TAOK1: variants seen among roughly 807,000 people sequenced by gnomAD.
TAOK1 encodes serine/threonine-protein kinase TAO1.
Under a neutral mutation model 138.3 loss-of-function variants are expected in TAOK1, and 21 were observed. The observed-to-expected ratio is 0.15, with a 90% CI of 0.11 to 0.22. The LOEUF (loss-of-function observed/expected upper bound fraction) is 0.22, where lower values mean the gene tolerates loss of function less well. TAOK1 is among the 10% of genes least tolerant of loss of function. The pLI is 1.00. For missense variants in TAOK1, 651 were observed against 1,227.7 expected, an observed-to-expected ratio of 0.53 and a Z score of 7.02; for synonymous variants, 361 against 398.4, an observed-to-expected ratio of 0.91 and a Z score of 1.12.
intron 18 of TAOK1, among the ~76,000 whole-genome samples, chr17:29,532,556 C>T (rs1289101505): frequency 2.6e-5 from 4 of 152,182 alleles, no homozygotes; most frequent in Non-Finnish European, 4.4e-5. Context: ...TCTTAACGAG[C>T]ATGCTGCCTT....
intron 13 of TAOK1, among the ~76,000 whole-genome samples, chr17:29,505,121 C>T (rs1179125416): frequency 6.6e-6 from 1 of 152,140 alleles, no homozygotes; most frequent in Non-Finnish European, 1.5e-5. Context: ...TCATTTACTT[C>T]ACTTAAAATA....
chr17:29,508,458 A>G (rs1474634798), intron 14 of TAOK1, among the ~76,000 whole-genome samples: 1 of 152,204 alleles, frequency 6.6e-6, no homozygotes, highest in Non-Finnish European at 1.5e-5. Flanking sequence ...GTGTTTTAAT[A>G]TCAAGTACTA....
chr17:29,407,832 C>G (rs1173676685), intron 1 of TAOK1, among the ~76,000 whole-genome samples: 3 of 152,078 alleles, frequency 2.0e-5, no homozygotes, highest in African/African-American at 7.2e-5. Flanking sequence ...AAAGTTTCTC[C>G]TTATTTACCT....
intron 1 of TAOK1, among the ~76,000 whole-genome samples, chr17:29,449,744 G>T (rs2030185988): frequency 6.6e-6 from 1 of 152,180 alleles, no homozygotes; most frequent in African/African-American, 2.4e-5. Context: ...GGGAGGCTGA[G>T]GCAGGAGAAT....
At chr17:29,452,511 A>G (rs952743703) in intron 2 of TAOK1, among the ~76,000 whole-genome samples, 6 of 152,286 alleles carry the variant, frequency 3.9e-5, no homozygotes, top group African/African-American at 1.2e-4. Context: ...TGTGAATTAA[A>G]AAAACTTATC....
intron 15 of TAOK1, among the ~76,000 whole-genome samples, chr17:29,516,894 C>G (rs958526540): frequency 3.9e-5 from 6 of 152,202 alleles, no homozygotes; most frequent in South Asian, 2.1e-4. Context: ...GTGATCTTGA[C>G]TCACTGCAAC....
chr17:29,536,396 G>A (rs546283681), intron 19 of TAOK1, among the ~76,000 whole-genome samples: 10 of 151,958 alleles, frequency 6.6e-5, no homozygotes, highest in African/African-American at 1.2e-4. Flanking sequence ...AGGGGAGATC[G>A]AAACCATCCT....
At chr17:29,399,888 C>T (rs962192000) in intron 1 of TAOK1, among the ~76,000 whole-genome samples, 6 of 152,038 alleles carry the variant, frequency 3.9e-5, no homozygotes, top group African/African-American at 1.4e-4. Flanking sequence ...CACCACCACA[C>T]CTGGCTAATT....
chr17:29,490,229 C>G (rs115067641), intron 9 of TAOK1, among the ~76,000 whole-genome samples: 1,626 of 152,168 alleles, frequency 0.011, 36 homozygotes, highest in African/African-American at 0.037. Context: ...TGGGATCACT[C>G]TAATTATCAT....
At chr17:29,412,769 A>G (rs1274353799) in intron 1 of TAOK1, among the ~76,000 whole-genome samples, 1 of 152,216 alleles carries the variant, frequency 6.6e-6, no homozygotes, top group Non-Finnish European at 1.5e-5. Context: ...GCAACTATTT[A>G]TACAACGAAA....
At chr17:29,431,217 G>C (rs1203431483) in intron 1 of TAOK1, among the ~76,000 whole-genome samples, 1 of 152,144 alleles carries the variant, frequency 6.6e-6, no homozygotes, top group African/African-American at 2.4e-5. Flanking sequence ...ACTTAGGTGA[G>C]AGTGCTTGCG....
chr17:29,511,670 G>A (rs1045050124), intron 15 of TAOK1: 1 of 152,212 alleles, frequency 6.6e-6, no homozygotes, highest in East Asian at 1.9e-4. Flanking sequence ...AGCCTTCCAA[G>A]TAGCTGGGAA....
Position 29,438,211 on chromosome 17 carries a change from C to A in TAOK1, c.-94-13244C>A, listed in dbSNP as rs187532237. Among the ~76,000 whole-genome samples, 307 of 152,012 alleles carry A rather than the reference C, an allele frequency of 2.0e-3. 3 individuals carry two copies. The highest frequency in any genetic ancestry group is 7.2e-3 in the African/African-American group (297 of 41,470). ...ATTTATTTTTATTATTTTTATTTTTCGAATGTTCCAATATTACTATTTGAA... is the reference window on the plus strand; with the variant it reads ...ATTTATTTTTATTATTTTTATTTTTAGAATGTTCCAATATTACTATTTGAA... On this transcript the variant is annotated intron_variant, in intron 1 of 19. Coordinates refer to ENST00000261716, the MANE Select transcript of TAOK1 (RefSeq NM_020791.4).
In TAOK1 at chr17:29,547,471, T is replaced by G. The variant is rs1230194584; in HGVS notation, c.*4449T>G. 6.6e-6 allele frequency: 1 copy of G among 152,132 alleles called. No individual in the cohort carries two copies. 9.4% of individuals were successfully genotyped at this position (152,132 alleles called of 1,614,324 possible). On this transcript the variant is annotated 3_prime_UTR_variant, in exon 20 of 20. Transcript: ENST00000261716. ...TCAAGTAGAGATTTGCCCCAACACA[T>G]TAACTTTTTCCTTGGAGATTTATAT...
Position 29,507,973 on chromosome 17 carries a change from A to G in TAOK1, c.1416A>G (p.Arg472=). The change falls in exon 14 of 20, where the codon CGA becomes CGG. Residue 472 remains arginine, a synonymous_variant. Coordinates refer to ENST00000261716, the MANE Select transcript of TAOK1 (RefSeq NM_020791.4). ...TGTCTGGCTATAAGCGAATGAGGCG[A>G]CAACATCAAAAGCAACTGATGACTC... ...EQMSGYKRMR[R]QHQKQLMTLE... 2 of 1,614,138 alleles carry G rather than the reference A, an allele frequency of 1.2e-6. No homozygotes were observed. Among genetic ancestry groups the G allele is most frequent in the Non-Finnish European group, 1.7e-6 (2 of 1,179,988 alleles).
chr17:29,406,401 A>C (rs1904991985), intron 1 of TAOK1, among the ~76,000 whole-genome samples: 1 of 152,058 alleles, frequency 6.6e-6, no homozygotes, highest in African/African-American at 2.4e-5. Context: ...TATACCTGAG[A>C]GCATGAATGA....
intron 14 of TAOK1, 95 bp from the exon 15 acceptor site, chr17:29,510,769 G>C (rs1254548062): frequency 2.2e-6 from 2 of 911,834 alleles, no homozygotes; most frequent in South Asian, 6.4e-5. Flanking sequence ...ATGATTTCTT[G>C]TTCTTAGAAA....
intron 2 of TAOK1, among the ~76,000 whole-genome samples, chr17:29,465,936 G>A (rs931705955): frequency 7.4e-6 from 1 of 134,612 alleles, no homozygotes; most frequent in Non-Finnish European, 1.5e-5. Flanking sequence ...ATCCTGATTA[G>A]CAGTTGTTTT....
intron 1 of TAOK1, among the ~76,000 whole-genome samples, chr17:29,420,973 A>C (rs527336547): frequency 6.6e-6 from 1 of 151,970 alleles, no homozygotes; most frequent in Non-Finnish European, 1.5e-5. Context: ...TCTGTCATCT[A>C]GGCTGGAGTG....
Sources: gnomAD v4.1 joint callset for allele counts (sites outside exome capture counted in the v4.1 genomes callset) on GRCh38, gnomAD v4.1.1 for gene constraint, MANE v1.5 for transcripts, NCBI Gene and HGNC (gene_info 2026-07-23, HGNC 2026-07-21) for gene names.